The following CTPS2 variants were observed in gnomAD, a reference collection of about 807,000 sequenced individuals.
CTPS2 encodes the protein CTP synthase 2.
Under a neutral mutation model 46.8 loss-of-function variants are expected in CTPS2, and 19 were observed. The observed-to-expected ratio is 0.41, with a 90% CI of 0.28 to 0.60. The LOEUF (loss-of-function observed/expected upper bound fraction) is 0.60. Ranked by LOEUF, CTPS2 falls within the 20% of genes least tolerant of loss-of-function variation. The pLI, the probability that CTPS2 is intolerant of heterozygous loss-of-function variation, is 0.35. For synonymous variants in CTPS2, 151 were observed against 165.2 expected, an observed-to-expected ratio of 0.91 and a Z score of 0.66; for missense variants, 286 against 447.6, an observed-to-expected ratio of 0.64 and a Z score of 3.26.
intron 16 of CTPS2, among the ~76,000 whole-genome samples, chrX:16,616,596 T>C (rs1930541343): frequency 9.0e-6 from 1 of 111,182 alleles, no homozygotes; most frequent in Non-Finnish European, 1.9e-5. Context: ...AAGAGAGGAG[T>C]TGGTAAGGAA....
chrX:16,682,531 C>T (rs1922830868), intron 9 of CTPS2, among the ~76,000 whole-genome samples: 1 of 111,976 alleles, frequency 8.9e-6, no homozygotes, highest in Non-Finnish European at 1.9e-5. Flanking sequence ...CTGGCTGCTG[C>T]CCTTGGAAAG....
At chrX:16,591,821 G>A (rs1475141972) in intron 17 of CTPS2, among the ~76,000 whole-genome samples, 1 of 110,617 alleles carries the variant, frequency 9.0e-6, no homozygotes, top group Non-Finnish European at 1.9e-5. Context: ...CATACCCAGA[G>A]GAAACGAGTA....
rs144977565 is a variant in CTPS2, at chrX:16,645,333, G to A, written c.1297-6090C>T. On this transcript the variant is annotated intron_variant, in intron 13 of 18. Coordinates refer to ENST00000359276, the MANE Select transcript of CTPS2 (RefSeq NM_175859.3). ...TTTTAAGTGTATTAAAAACTAACAG[G>A]GGAGACTAAGGGATGGGTCAGTGGG... 2.3e-3 allele frequency among the ~76,000 whole-genome samples: 256 copies of A among 110,529 alleles called. 1 individual carries two copies. Among genetic ancestry groups the A allele is most frequent in the African/African-American group, 7.8e-3 (236 of 30,375 alleles).
chrX:16,685,138 C>CCAAGTAGT (rs1173820939), intron 8 of CTPS2, among the ~76,000 whole-genome samples: 1 of 111,457 alleles, frequency 9.0e-6, no homozygotes, highest in African/African-American at 3.3e-5. Flanking sequence ...TGACAGCACA[C>CCAAGTAGT]CAAGTAGTAG....
At chrX:16,711,232 C>T (rs1186784026) in intron 1 of CTPS2, among the ~76,000 whole-genome samples, 2 of 112,036 alleles carry the variant, frequency 1.8e-5, no homozygotes, top group Admixed American at 1.9e-4. Flanking sequence ...CCCAATGTAG[C>T]CAAAAATGTT....
At chrX:16,645,427 A>G (rs1308011177) in intron 13 of CTPS2, among the ~76,000 whole-genome samples, 2 of 110,965 alleles carry the variant, frequency 1.8e-5, no homozygotes, top group East Asian at 5.6e-4. Context: ...TCTCTTCAGC[A>G]GACGGGAAGG....
At chrX:16,611,876 C>T (rs951519572) in intron 16 of CTPS2, among the ~76,000 whole-genome samples, 3 of 112,241 alleles carry the variant, frequency 2.7e-5, no homozygotes, top group Non-Finnish European at 5.6e-5. Context: ...CCTCAAGAAA[C>T]GCAGAGAAAT....
chrX:16,675,018 C>A (rs1922140808), intron 10 of CTPS2, among the ~76,000 whole-genome samples: 1 of 110,540 alleles, frequency 9.0e-6, no homozygotes, highest in South Asian at 3.8e-4. Context: ...GTAATCCCAG[C>A]ACTTTGGGAG....
chrX:16,613,595 G>T (rs1930374802), intron 16 of CTPS2, among the ~76,000 whole-genome samples: 1 of 108,696 alleles, frequency 9.2e-6, no homozygotes, highest in East Asian at 2.9e-4. Context: ...GCCCCCCAGG[G>T]ACTTGCCTTT....
intron 13 of CTPS2, among the ~76,000 whole-genome samples, chrX:16,656,284 A>T (rs188412214): frequency 8.9e-6 from 1 of 112,038 alleles, no homozygotes; most frequent in Admixed American, 9.5e-5. Flanking sequence ...ACCCAATTGT[A>T]CATGATATGC....
intron 15 of CTPS2, among the ~76,000 whole-genome samples, chrX:16,618,781 T>G (rs1439873138): frequency 8.9e-6 from 1 of 112,258 alleles, no homozygotes; most frequent in Admixed American, 9.5e-5. Flanking sequence ...TCATTTGCAA[T>G]TATTCATTAT....
At chrX:16,689,652 C>T (rs770078484) in intron 7 of CTPS2, 51 bp from the exon 8 acceptor site, 18 of 1,098,157 alleles carry the variant, frequency 1.6e-5, no homozygotes, top group Non-Finnish European at 2.1e-5. Context: ...TTCAAATATG[C>T]CACCACAAGA....
In CTPS2 at chrX:16,589,782, A is replaced by T. The variant is rs1049489141; in HGVS notation, c.*42-7T>A. 1.8e-5 allele frequency: 2 copies of T among 112,400 alleles called. No individual in the cohort carries two copies. The highest frequency in any genetic ancestry group is 3.8e-5 in the Non-Finnish European group (2 of 53,316). The allele number at this position is 112,400 out of a possible 1,213,427, so 9.3% of individuals were successfully genotyped here. ...CCTTCAATTATTTCAGAGGCTTAAA[A>T]GAAAAGAATATAAATATTAGCAACA... is the stretch of plus-strand genomic sequence containing the variant. On this transcript the variant is annotated splice_polypyrimidine_tract_variant and splice_region_variant and intron_variant, in intron 18 of 18. Transcript: ENST00000359276.
chrX:16,670,520 C>A, intron 11 of CTPS2, 60 bp downstream of exon 11: 1 of 876,290 alleles, frequency 1.1e-6, no homozygotes, highest in Non-Finnish European at 1.6e-6. Flanking sequence ...TAGTGTTACC[C>A]CTCCTAGGTG....
chrX:16,671,511 T>C (rs890583389), intron 10 of CTPS2, among the ~76,000 whole-genome samples: 5 of 69,543 alleles, frequency 7.2e-5, no homozygotes, highest in Non-Finnish European at 9.7e-5. Flanking sequence ...TTTTCTTTTT[T>C]TTTTTTTTTT....
intron 17 of CTPS2, among the ~76,000 whole-genome samples, chrX:16,593,308 A>G (rs766151012): frequency 9.2e-6 from 1 of 108,587 alleles, no homozygotes; most frequent in East Asian, 2.9e-4. Context: ...GGGCGCCTGT[A>G]GTCCCAGCTA....
chrX:16,601,404 C>T (rs956047591), intron 17 of CTPS2, among the ~76,000 whole-genome samples: 6 of 110,904 alleles, frequency 5.4e-5, no homozygotes, highest in Non-Finnish European at 7.6e-5. Context: ...CTAACGAGTC[C>T]GTGAACAACC....
intron 15 of CTPS2, 75 bp from the exon 16 acceptor site, chrX:16,617,321 G>T: frequency 5.4e-6 from 4 of 740,052 alleles, no homozygotes; most frequent in South Asian, 5.9e-5. Context: ...TCATCAGTTG[G>T]GTGGGTTTTC....
intron 13 of CTPS2, among the ~76,000 whole-genome samples, chrX:16,655,429 T>C (rs1035192867): frequency 3.6e-5 from 4 of 111,749 alleles, no homozygotes; most frequent in Non-Finnish European, 5.6e-5. Flanking sequence ...AGCTAGGGGA[T>C]GCAGGGGGTG....
Sources: gnomAD v4.1 joint callset for allele counts (sites outside exome capture counted in the v4.1 genomes callset) on GRCh38, gnomAD v4.1.1 for gene constraint, MANE v1.5 for transcripts, NCBI Gene and HGNC (gene_info 2026-07-23, HGNC 2026-07-21) for gene names.